PCDHGB3: variants seen among roughly 807,000 people sequenced by gnomAD.
PCDHGB3 encodes protocadherin gamma-B3.
Under a neutral mutation model 59.2 loss-of-function variants are expected in PCDHGB3, and 40 were observed. The ratio of observed to expected loss-of-function variants is 0.68; its 90% CI spans 0.52 to 0.88. The LOEUF is 0.88. Ranked by LOEUF, PCDHGB3 falls within the 40% of genes least tolerant of loss-of-function variation. The pLI, the probability that PCDHGB3 is intolerant of heterozygous loss-of-function variation, is 0.00. For missense variants in PCDHGB3, 1,309 were observed against 1,187.9 expected, an observed-to-expected ratio of 1.10 and a Z score of -1.50; for synonymous variants, 581 against 503.6, an observed-to-expected ratio of 1.15 and a Z score of -2.06.
chr5:141,458,512 T>TG (rs2098947554), intron 1 of PCDHGB3, among the ~76,000 whole-genome samples: 2 of 150,084 alleles, frequency 1.3e-5, no homozygotes, highest in African/African-American at 5.0e-5. Context: ...TTTGACACTT[T>TG]GTTTTTTTTT....
chr5:141,371,673 A>G lies in PCDHGB3; in HGVS notation c.1279A>G (p.Lys427Glu). 1 of 1,614,030 alleles carries G rather than the reference A, an allele frequency of 6.2e-7. No individual in the cohort carries two copies. The highest frequency in any genetic ancestry group is 8.5e-7 in the Non-Finnish European group (1 of 1,179,894). The change falls in exon 1 of 4, where the codon AAA (lysine) becomes GAA (glutamate). Residue 427 changes from lysine (K) to glutamate (E), a missense_variant. By Grantham distance (56) the Lys-to-Glu change is moderately conservative (BLOSUM62 1). Coordinates refer to ENST00000576222, the MANE Select transcript of PCDHGB3 (RefSeq NM_018924.5). ...CAATGTGACGATCACAGCTACCGACAAAGGCAATCCACCGCTCTCCTCCAG... is the reference window on the plus strand; with the variant it reads ...CAATGTGACGATCACAGCTACCGACGAAGGCAATCCACCGCTCTCCTCCAG... ...EYNVTITATDKGNPPLSSSKT... is the reference protein window; with the variant it reads ...EYNVTITATDEGNPPLSSSKT...
At chr5:141,450,147 C>T (rs1322871298) in intron 1 of PCDHGB3, among the ~76,000 whole-genome samples, 2 of 151,774 alleles carry the variant, frequency 1.3e-5, no homozygotes, top group African/African-American at 4.8e-5. Context: ...GCTGGGACTA[C>T]AGGCATGTGC....
chr5:141,421,418 G>C, intron 1 of PCDHGB3: 1 of 1,614,086 alleles, frequency 6.2e-7, no homozygotes, highest in Middle Eastern at 1.7e-4. Context: ...GCGAAGCGCG[G>C]AGTCCGCATC....
rs372458558 is a variant in PCDHGB3, at chr5:141,384,112, G to A, written c.2415+11303G>A. On this transcript the variant is annotated intron_variant, in intron 1 of 3. Transcript: ENST00000576222. ...ATCAATAGATAATTATTATAGATTG[G>A]TCACAACCAAAAACTTGGACCGGGA... The A allele has an allele frequency of 8.1e-6, 13 of 1,605,274 alleles. No individual in the cohort carries two copies. The South Asian group carries it at 8.9e-5, about 11-fold the overall frequency.
rs1405589878 is a variant in PCDHGB3 at position 141,504,323 on chromosome 5, T to A, written c.2475-1070T>A. On this transcript the variant is annotated intron_variant, in intron 2 of 3. Transcript: ENST00000576222. ...CACTCGGAGTTTCTAAAAGTCTCAC[T>A]TAGGTCCAAGTGCTAGGCTTTGTGC... Among the ~76,000 whole-genome samples, 4 of 152,114 alleles carry A rather than the reference T, an allele frequency of 2.6e-5. No individual in the cohort carries two copies. In the East Asian group the frequency reaches 7.7e-4, roughly 29 times the overall value.
chr5:141,422,563 G>A, intron 1 of PCDHGB3: 3 of 1,613,986 alleles, frequency 1.9e-6, no homozygotes, highest in African/African-American at 1.3e-5. Flanking sequence ...TGTGGCAGAT[G>A]ACAACGATAA....
intron 1 of PCDHGB3, chr5:141,400,592 G>A: frequency 3.7e-6 from 6 of 1,603,194 alleles, no homozygotes; most frequent in Non-Finnish European, 5.1e-6. Flanking sequence ...TGAAACTATC[G>A]TACATTTTCA....
At chr5:141,375,026 T>C in intron 1 of PCDHGB3, 2 of 1,614,030 alleles carry the variant, frequency 1.2e-6, no homozygotes, top group Non-Finnish European at 1.7e-6. Context: ...CTCGAGTTTT[T>C]ATGAGCTGGG....
At chr5:141,394,219 C>T (rs1355390708) in intron 1 of PCDHGB3, 1 of 1,613,786 alleles carries the variant, frequency 6.2e-7, no homozygotes, top group Non-Finnish European at 8.5e-7. Context: ...CTGAGAGGAG[C>T]CTCCATCTTT....
At chr5:141,418,512 G>C (rs776986277) in intron 1 of PCDHGB3, 1 of 1,613,966 alleles carries the variant, frequency 6.2e-7, no homozygotes, top group Non-Finnish European at 8.5e-7. Context: ...TTAGATGGTG[G>C]GGACCCTCCC....
Position 141,485,182 on chromosome 5 carries a change from C to A in PCDHGB3, c.2416-9625C>A. 6.2e-7 allele frequency: 1 copy of A among 1,613,070 alleles called. No individual in the cohort carries two copies. The highest frequency in any genetic ancestry group is 8.5e-7 in the Non-Finnish European group (1 of 1,179,154). On this transcript the variant is annotated intron_variant, in intron 1 of 3. Coordinates refer to ENST00000576222, the MANE Select transcript of PCDHGB3 (RefSeq NM_018924.5). This position sits in a 1 kb window ranked among gnomAD's most constrained non-coding sequence, Gnocchi z 5.7. ...ATTAGCGGGCGGCAGCAATGCTCCG[C>A]AAGGTGAGAAGCTGGACAGAAATCT...
intron 1 of PCDHGB3, among the ~76,000 whole-genome samples, chr5:141,463,641 C>T (rs182957065): frequency 2.0e-5 from 3 of 151,734 alleles, no homozygotes; most frequent in African/African-American, 7.2e-5. Context: ...TTAGTAGAGA[C>T]GGGGTTTCAC....
intron 3 of PCDHGB3, among the ~76,000 whole-genome samples, chr5:141,508,841 C>A (rs969875150): frequency 6.6e-6 from 1 of 152,140 alleles, no homozygotes; most frequent in East Asian, 1.9e-4. Context: ...TCCCCTACCC[C>A]TTCCATTCCC....
intron 2 of PCDHGB3, among the ~76,000 whole-genome samples, chr5:141,498,451 T>C (rs1426888821): frequency 6.6e-6 from 1 of 152,126 alleles, no homozygotes; most frequent in Non-Finnish European, 1.5e-5. Context: ...AGGTTCCTTT[T>C]ATCCAGTCTA....
At chr5:141,495,613 G>A (rs1230710705) in intron 2 of PCDHGB3, among the ~76,000 whole-genome samples, 2 of 152,068 alleles carry the variant, frequency 1.3e-5, no homozygotes, top group Non-Finnish European at 2.9e-5. Flanking sequence ...CTTGATTGCT[G>A]CACCTCAGCC....
chr5:141,425,587 T>G (rs2096884432), intron 1 of PCDHGB3, among the ~76,000 whole-genome samples: 2 of 152,226 alleles, frequency 1.3e-5, no homozygotes. Flanking sequence ...CTAACTTTAT[T>G]CTGAATATGC....
At chr5:141,427,945 A>G (rs747625541) in intron 1 of PCDHGB3, 22 of 1,586,364 alleles carry the variant, frequency 1.4e-5, no homozygotes, top group Middle Eastern at 1.7e-4. Flanking sequence ...GGCGACCTCA[A>G]TGACAATGTG....
rs1052219950 is a variant in PCDHGB3, at chr5:141,476,865, G to A, written c.2416-17942G>A. The A allele has an allele frequency of 1.2e-6, 2 of 1,613,752 alleles. No individual in the cohort carries two copies. Among genetic ancestry groups the A allele is most frequent in the African/African-American group, 1.3e-5 (1 of 74,958 alleles). On this transcript the variant is annotated intron_variant, in intron 1 of 3. Coordinates refer to ENST00000576222, the MANE Select transcript of PCDHGB3 (RefSeq NM_018924.5). This position sits in a 1 kb window ranked among gnomAD's most constrained non-coding sequence, Gnocchi z 7.6. ...CCTGTCTTCAACCAGTCCTTGTACC[G>A]GGCGCGCGTCCTGGAGGATGCACCC...
At chr5:141,457,568 T>A (rs1397626206) in intron 1 of PCDHGB3, among the ~76,000 whole-genome samples, 1 of 152,190 alleles carries the variant, frequency 6.6e-6, no homozygotes, top group African/African-American at 2.4e-5. Context: ...TGGAGCAAAA[T>A]TTTTCTCTCC....
Sources: gnomAD v4.1 joint callset for allele counts (sites outside exome capture counted in the v4.1 genomes callset) on GRCh38, gnomAD v4.1.1 for gene constraint, Gnocchi (gnomAD v3.1) non-coding constraint, MANE v1.5 for transcripts, NCBI Gene and HGNC (gene_info 2026-07-23, HGNC 2026-07-21) for gene names.